Variants in PUS7 observed in about 807,000 individuals in gnomAD.
PUS7 encodes the protein pseudouridylate synthase 7 homolog.
A neutral mutation model predicts 79.8 loss-of-function variants in PUS7; 48 were observed. The observed-to-expected ratio is 0.60, with a 90% confidence interval of 0.48 to 0.76. PUS7 has a LOEUF of 0.76. PUS7 is among the 30% of genes least tolerant of loss of function. The pLI is 0.00. For missense variants in PUS7, 729 were observed against 797.6 expected (o/e 0.91, Z 1.04); for synonymous variants, 286 against 272.2 (o/e 1.05, Z -0.50).
chr7:105,459,646 C>T (rs1489724973), intron 14 of PUS7, among the ~76,000 whole-genome samples: 1 of 151,618 alleles, frequency 6.6e-6, no homozygotes, highest in Non-Finnish European at 1.5e-5. Context: ...CTATGTTGGC[C>T]AGGGAGGTCT....
chr7:105,506,157 G>A (rs1221942017), intron 3 of PUS7, 32 bp downstream of exon 3: 12 of 1,578,230 alleles, frequency 7.6e-6, no homozygotes, highest in Non-Finnish European at 1.0e-5. Context: ...TTTTTATACA[G>A]AAGGTGACAT....
intron 9 of PUS7, among the ~76,000 whole-genome samples, chr7:105,473,936 C>T (rs1823978526): frequency 6.6e-6 from 1 of 152,202 alleles, no homozygotes; most frequent in Admixed American, 6.5e-5. Flanking sequence ...ACTGTTAACA[C>T]TTTAGAGCAT....
chr7:105,472,978 G>C (rs996251226), intron 9 of PUS7, among the ~76,000 whole-genome samples: 29 of 145,754 alleles, frequency 2.0e-4, no homozygotes, highest in Non-Finnish European at 3.9e-4. Context: ...GGTCAGGCTG[G>C]TCTCGAACTC....
chr7:105,474,637 C>T lies in PUS7; in HGVS notation c.1176-2444G>A, dbSNP rs560135577. On this transcript the variant is annotated intron_variant, in intron 9 of 15. Transcript: ENST00000469408. ...CAAAAAAAAAAAAAAAAAAAATAAT[C>T]GGGCGTGGTGGCACGTGCCTGTAGT... Among the ~76,000 whole-genome samples, 136 of 149,832 alleles carry T rather than the reference C, an allele frequency of 9.1e-4. 2 individuals carry two copies. The highest frequency in any genetic ancestry group is 3.4e-3 in the Middle Eastern group (1 of 290).
chr7:105,502,481 C>G lies in PUS7; in HGVS notation c.669G>C (p.Glu223Asp), dbSNP rs773937432. 1.9e-6 allele frequency: 3 copies of G among 1,614,004 alleles called. No individual in the cohort carries two copies. In the African/African-American group the frequency reaches 4.0e-5, roughly 22 times the overall value. ...SLFPGLETKTEDREGKKYIVA... is the reference protein window; with the variant it reads ...SLFPGLETKTDDREGKKYIVA... Reference sequence around the variant, plus strand: ...CAATGTATTTCTTCCCCTCCCTATCCTCTGTTTTTGTCTCTAATCCTGGAA... The same window carrying G: ...CAATGTATTTCTTCCCCTCCCTATCGTCTGTTTTTGTCTCTAATCCTGGAA... The change falls in exon 5 of 16, where the codon GAG becomes GAC. Residue 223 changes from glutamate (E) to aspartate (D), a missense_variant. By Grantham distance (45) the Glu-to-Asp change is conservative (BLOSUM62 2). Transcript: ENST00000469408.
chr7:105,460,596 T>C (rs1403335306), intron 14 of PUS7, among the ~76,000 whole-genome samples: 2 of 152,106 alleles, frequency 1.3e-5, no homozygotes, highest in Non-Finnish European at 2.9e-5. Flanking sequence ...GGCTCACGCC[T>C]GTAATCCCAG....
At position 105,468,416 on chromosome 7, in the gene PUS7, A is replaced by G; in HGVS notation, c.1446T>C (p.Tyr482=). ...RLMYIHSYQS[Y]VWNNMVSKRI... is the part of the protein sequence containing the mutation. ...TCTTGCTTACCATGTTATTCCACAC[A>G]TAGCTTTGGTAGCTATGAATATACA... Residue 482 remains tyrosine (Y), a synonymous_variant, in exon 12 of 16, where the codon TAT becomes TAC. Transcript: ENST00000469408. The G allele has an allele frequency of 9.3e-6, 15 of 1,613,090 alleles. No homozygotes were observed. The highest frequency in any genetic ancestry group is 1.3e-5 in the Non-Finnish European group (15 of 1,179,214).
At chr7:105,480,927 C>T in intron 9 of PUS7, 125 bp downstream of exon 9, 2 of 1,167,948 alleles carry the variant, frequency 1.7e-6, no homozygotes, top group Non-Finnish European at 2.3e-6. Context: ...AAACAAAAAT[C>T]ATGAAACTGT....
In PUS7 at chr7:105,491,534, A is replaced by C; in HGVS notation, c.920+6T>G. 1.3e-6 allele frequency: 2 copies of C among 1,552,704 alleles called. No homozygotes were observed. Among genetic ancestry groups the C allele is most frequent in the Non-Finnish European group, 1.8e-6 (2 of 1,127,388 alleles). On this transcript the variant is annotated splice_donor_region_variant and intron_variant, in intron 7 of 15. Coordinates refer to ENST00000469408, the MANE Select transcript of PUS7 (RefSeq NM_019042.5). ...GTATAAATCCTGTTACGTGCTCTCT[A>C]CTTACTTGAGAACAGCAATTTCTTG...
intron 13 of PUS7, 53 bp downstream of exon 13, chr7:105,465,260 A>G: frequency 7.8e-7 from 1 of 1,279,516 alleles, no homozygotes; most frequent in Admixed American, 1.8e-5. Flanking sequence ...TTGAAATAGT[A>G]GCTTCATTAT....
chr7:105,488,060 GC>G (rs1337056934), intron 7 of PUS7, among the ~76,000 whole-genome samples: 2 of 152,152 alleles, frequency 1.3e-5, no homozygotes, highest in African/African-American at 4.8e-5. Context: ...AGTGCTGTGT[GC>G]TTTCAGAGGG....
At chr7:105,521,225 C>T (rs1430190039) in intron 1 of PUS7, among the ~76,000 whole-genome samples, 1 of 146,844 alleles carries the variant, frequency 6.8e-6, no homozygotes, top group African/African-American at 2.5e-5. Context: ...TGATTAGAGG[C>T]TTGGGGATGG....
chr7:105,500,655 A>C (rs1217832240), intron 5 of PUS7, among the ~76,000 whole-genome samples: 1 of 152,150 alleles, frequency 6.6e-6, no homozygotes, highest in Non-Finnish European at 1.5e-5. Context: ...CAGCCTTCCC[A>C]ACTGGGTTCC....
At chr7:105,482,494 T>C (rs1190166331) in intron 7 of PUS7, 54 bp from the exon 8 acceptor site, 3 of 1,514,642 alleles carry the variant, frequency 2.0e-6, no homozygotes, top group African/African-American at 1.4e-5. Context: ...AAGAGGATCA[T>C]GAGATACTGA....
intron 1 of PUS7, among the ~76,000 whole-genome samples, chr7:105,512,470 C>T (rs1586180581): frequency 6.6e-6 from 1 of 152,114 alleles, no homozygotes; most frequent in Non-Finnish European, 1.5e-5. Flanking sequence ...AAAACCTAAC[C>T]AAAGACTACA....
At chr7:105,460,010 C>A (rs1213387573) in intron 14 of PUS7, among the ~76,000 whole-genome samples, 3 of 152,154 alleles carry the variant, frequency 2.0e-5, no homozygotes, top group Non-Finnish European at 4.4e-5. Flanking sequence ...GTGATCTTGG[C>A]TCACTGCAAG....
chr7:105,499,089 A>G (rs1371972025), intron 5 of PUS7, among the ~76,000 whole-genome samples: 9 of 152,242 alleles, frequency 5.9e-5, no homozygotes, highest in Non-Finnish European at 1.0e-4. Context: ...CTACTATGTA[A>G]ACTGGTTTCC....
intron 1 of PUS7, among the ~76,000 whole-genome samples, chr7:105,510,043 G>T (rs894170051): frequency 6.6e-6 from 1 of 152,172 alleles, no homozygotes; most frequent in African/African-American, 2.4e-5. Context: ...GCTCACACCT[G>T]TAATCCCAAT....
rs991531854 is a variant in PUS7 at position 105,459,172 on chromosome 7, A to G, written c.1845T>C (p.Ala615=). The G allele has an allele frequency of 3.1e-6, 5 of 1,604,198 alleles. No individual in the cohort carries two copies. The highest frequency in any genetic ancestry group is 4.3e-6 in the Non-Finnish European group (5 of 1,173,692). ...CTGATGACTGAGTAAACTTACCAGA[A>G]GCAAAAACTGGTGGTGTCTTCCCTT... ...NLEGKTPPVF[A]SEGKYRALKM... The change falls in exon 15 of 16, where the codon GCT becomes GCC. Residue 615 remains alanine, a synonymous_variant. Coordinates refer to ENST00000469408, the MANE Select transcript of PUS7 (RefSeq NM_019042.5).
Sources: allele counts gnomAD v4.1 joint callset (sites outside exome capture counted in the v4.1 genomes callset), GRCh38; gene constraint gnomAD v4.1.1; transcripts MANE v1.5; gene names NCBI Gene and HGNC (gene_info 2026-07-23, HGNC 2026-07-21).